Variants in SAMD4A observed in about 807,000 individuals in gnomAD.
SAMD4A encodes the protein protein Smaug homolog 1.
In SAMD4A, 33 loss-of-function variants were observed where a neutral mutation model predicts 81.3. The ratio of observed to expected loss-of-function variants is 0.41; its 90% confidence interval spans 0.31 to 0.54. The LOEUF is 0.54. Among genes scored for constraint, SAMD4A ranks in the 20% least tolerant of loss-of-function variants. The pLI is 0.37. For synonymous variants in SAMD4A, 389 were observed against 382.1 expected, an observed-to-expected ratio of 1.02 and a Z score of -0.21; for missense variants, 854 against 951.1, an observed-to-expected ratio of 0.90 and a Z score of 1.34.
At chr14:54,691,770 G>C (rs1190074594) in intron 2 of SAMD4A, among the ~76,000 whole-genome samples, 1 of 152,148 alleles carries the variant, frequency 6.6e-6, no homozygotes, top group Non-Finnish European at 1.5e-5. Context: ...TGCCCCAGGA[G>C]GACAGGAGAG....
chr14:54,749,038 G>A, intron 5 of SAMD4A, 114 bp downstream of exon 5: 1 of 702,308 alleles, frequency 1.4e-6, no homozygotes, highest in Non-Finnish European at 2.4e-6. Flanking sequence ...AGCTTGCCCT[G>A]TGCTGGAAAC....
chr14:54,773,766 C>G (rs531265883), intron 9 of SAMD4A, among the ~76,000 whole-genome samples: 1 of 152,382 alleles, frequency 6.6e-6, no homozygotes, highest in South Asian at 2.1e-4. Context: ...TTATATCCCT[C>G]GCCCCACAGG....
In SAMD4A at chr14:54,789,783, G is replaced by A. The variant is rs2039228568; in HGVS notation, c.*839G>A. On this transcript the variant is annotated 3_prime_UTR_variant, in exon 13 of 13. Transcript: ENST00000554335. ...GCTGTCCGTCTTTCACCGTTAGGTGGGAGGAGCGTATGGGTGGACTTGAAG... is the reference window on the plus strand; with the variant it reads ...GCTGTCCGTCTTTCACCGTTAGGTGAGAGGAGCGTATGGGTGGACTTGAAG... 2.0e-5 allele frequency: 3 copies of A among 152,334 alleles called. No homozygotes were observed. Among genetic ancestry groups the A allele is most frequent in the Non-Finnish European group, 4.4e-5 (3 of 68,118 alleles). 9.4% of individuals were successfully genotyped at this position (152,334 alleles called of 1,614,324 possible).
intron 2 of SAMD4A, among the ~76,000 whole-genome samples, chr14:54,603,017 G>A (rs1449923513): frequency 6.6e-6 from 1 of 152,174 alleles, no homozygotes; most frequent in Non-Finnish European, 1.5e-5. Context: ...TTGCACATTA[G>A]AGTTTGAGGA....
intron 2 of SAMD4A, among the ~76,000 whole-genome samples, chr14:54,673,042 G>C (rs1037937571): frequency 6.6e-6 from 1 of 152,220 alleles, no homozygotes; most frequent in African/African-American, 2.4e-5. Context: ...GGCTTGGAAG[G>C]TAGACAAGCA....
rs371287135 is a variant in SAMD4A, at chr14:54,777,760, C to T, written c.2044+1220C>T. 1.1e-4 allele frequency among the ~76,000 whole-genome samples: 17 copies of T among 152,236 alleles called. No individual in the cohort carries two copies. The South Asian group carries it at 1.2e-3, about 11-fold the overall frequency. On this transcript the variant is annotated intron_variant, in intron 11 of 12. Transcript: ENST00000554335. The stretch of plus-strand genomic sequence containing the variant: ...GGGAACGGCATGTCAGGGAGGGGAG[C>T]GACAGCTACCCAGTGCAGAGGCCTG...
chr14:54,586,516 G>A (rs569651090), intron 2 of SAMD4A, among the ~76,000 whole-genome samples: 2 of 152,160 alleles, frequency 1.3e-5, no homozygotes, highest in African/African-American at 4.8e-5. Context: ...CCAATATCTA[G>A]AAGGGTTTTT....
In SAMD4A at chr14:54,760,815, C is replaced by T. The variant is rs147372361; in HGVS notation, c.1510+321C>T. On this transcript the variant is annotated intron_variant, in intron 7 of 12. Coordinates refer to ENST00000554335, the MANE Select transcript of SAMD4A (RefSeq NM_015589.6). ...TGCAGGAGGAAGGTGGGAAGGACTTCGAAAAAGATGATTTTGGGAACAAAC... is the reference window on the plus strand; with the variant it reads ...TGCAGGAGGAAGGTGGGAAGGACTTTGAAAAAGATGATTTTGGGAACAAAC... 1.4e-4 allele frequency among the ~76,000 whole-genome samples: 22 copies of T among 152,268 alleles called. No homozygotes were observed. In the East Asian group the frequency reaches 2.5e-3, roughly 17 times the overall value.
intron 2 of SAMD4A, among the ~76,000 whole-genome samples, chr14:54,602,163 A>G (rs1010690493): frequency 6.6e-6 from 1 of 152,150 alleles, no homozygotes; most frequent in African/African-American, 2.4e-5. Flanking sequence ...ATAACTGTGG[A>G]ATCAATGCCC....
intron 4 of SAMD4A, among the ~76,000 whole-genome samples, chr14:54,741,679 C>A (rs17127855): frequency 0.22 from 33,594 of 152,118 alleles, 3,897 homozygotes; most frequent in South Asian, 0.32. Flanking sequence ...TCAGGGCAGG[C>A]ACCATGAATG....
intron 2 of SAMD4A, among the ~76,000 whole-genome samples, chr14:54,589,058 C>T (rs1432709120): frequency 6.6e-6 from 1 of 152,190 alleles, no homozygotes; most frequent in African/African-American, 2.4e-5. Context: ...TTCGTACTTG[C>T]ATTGTCTGTT....
intron 2 of SAMD4A, among the ~76,000 whole-genome samples, chr14:54,649,035 A>T (rs933953634): frequency 5.3e-5 from 8 of 152,154 alleles, no homozygotes; most frequent in Non-Finnish European, 8.8e-5. Context: ...AGGGGAGTTG[A>T]GGATGATTCC....
intron 2 of SAMD4A, among the ~76,000 whole-genome samples, chr14:54,578,148 T>C (rs2140134808): frequency 6.6e-6 from 1 of 152,336 alleles, no homozygotes; most frequent in Non-Finnish European, 1.5e-5. Flanking sequence ...GAACTGCCAT[T>C]ATTCCATTTG....
chr14:54,624,750 T>C (rs2034704911), intron 2 of SAMD4A, among the ~76,000 whole-genome samples: 1 of 151,998 alleles, frequency 6.6e-6, no homozygotes, highest in Non-Finnish European at 1.5e-5. Flanking sequence ...TACTTTGTAA[T>C]ATAAAGGGCA....
chr14:54,679,071 A>T (rs917560052), intron 2 of SAMD4A, among the ~76,000 whole-genome samples: 1 of 152,210 alleles, frequency 6.6e-6, no homozygotes, highest in African/African-American at 2.4e-5. Flanking sequence ...ATTGACTCGG[A>T]TTTGGATTTT....
intron 3 of SAMD4A, among the ~76,000 whole-genome samples, chr14:54,711,981 C>T (rs2140810136): frequency 6.6e-6 from 1 of 152,250 alleles, no homozygotes; most frequent in African/African-American, 2.4e-5. Context: ...CACAAGGCCA[C>T]AAACCGCTTC....
At chr14:54,581,180 A>G (rs2033454197) in intron 2 of SAMD4A, among the ~76,000 whole-genome samples, 1 of 152,234 alleles carries the variant, frequency 6.6e-6, no homozygotes, top group Non-Finnish European at 1.5e-5. Context: ...CAAGGCTATT[A>G]CCAGGATTGT....
chr14:54,757,163 G>A (rs1007670512), intron 6 of SAMD4A, among the ~76,000 whole-genome samples: 9 of 152,100 alleles, frequency 5.9e-5, no homozygotes, highest in African/African-American at 2.2e-4. Flanking sequence ...TTGAGTTCAG[G>A]AATTCATTTT....
chr14:54,639,543 C>T lies in SAMD4A; in HGVS notation c.197-62519C>T, dbSNP rs2035118819. ...CTCACAGCCACGAGCAGCTGGGCCACATGCAGCACTGGCAGCCCAGGTGGC... is the reference window on the plus strand; with the variant it reads ...CTCACAGCCACGAGCAGCTGGGCCATATGCAGCACTGGCAGCCCAGGTGGC... On this transcript the variant is annotated intron_variant, in intron 2 of 12. Transcript: ENST00000554335. Among the ~76,000 whole-genome samples the T allele has an allele frequency of 2.0e-5, 3 of 152,216 alleles. No homozygotes were observed. The South Asian group carries it at 6.2e-4, about 32-fold the overall frequency.
Sources: gnomAD v4.1 joint callset for allele counts (sites outside exome capture counted in the v4.1 genomes callset) on GRCh38, gnomAD v4.1.1 for gene constraint, MANE v1.5 for transcripts, NCBI Gene and HGNC (gene_info 2026-07-23, HGNC 2026-07-21) for gene names.